CADPS: variants seen among roughly 807,000 people sequenced by gnomAD.
The protein encoded by CADPS is calcium dependent secretion activator.
A neutral mutation model predicts 167.3 loss-of-function variants in CADPS; 57 were observed. The ratio of observed to expected loss-of-function variants is 0.34; its 90% CI spans 0.28 to 0.42. CADPS has a LOEUF of 0.42. Ranked by LOEUF, CADPS falls within the 20% of genes least tolerant of loss-of-function variation. The pLI, the probability that CADPS is intolerant of heterozygous loss-of-function variation, is 1.00. For synonymous variants in CADPS, 676 were observed against 635.3 expected, an observed-to-expected ratio of 1.06 and a Z score of -0.96; for missense variants, 1,414 against 1,738.1, an observed-to-expected ratio of 0.81 and a Z score of 3.32.
At chr3:62,672,384 A>T (rs918795719) in intron 3 of CADPS, among the ~76,000 whole-genome samples, 1 of 152,120 alleles carries the variant, frequency 6.6e-6, no homozygotes, top group Non-Finnish European at 1.5e-5. Context: ...GCATTTGCTC[A>T]TGTTACTCTC....
chr3:62,599,833 TA>T (rs1562717076), intron 6 of CADPS, among the ~76,000 whole-genome samples: 166 of 3,874 alleles, frequency 0.043, 4 homozygotes, highest in African/African-American at 0.068. Context: ...ATTATATATA[TA>T]ATATATTATA....
At chr3:62,779,357 T>C (rs2091090553) in intron 1 of CADPS, 1 of 449,662 alleles carries the variant, frequency 2.2e-6, no homozygotes, top group South Asian at 2.0e-5. Context: ...GCAGCACTCT[T>C]AATAGCAGGT....
At chr3:62,607,568 A>G (rs1410110567) in intron 6 of CADPS, among the ~76,000 whole-genome samples, 2 of 152,366 alleles carry the variant, frequency 1.3e-5, no homozygotes, top group South Asian at 2.1e-4. Flanking sequence ...TGTGGTGGGT[A>G]CACAGAAGCA....
At chr3:62,648,932 G>A (rs986609946) in intron 5 of CADPS, among the ~76,000 whole-genome samples, 25 of 152,036 alleles carry the variant, frequency 1.6e-4, no homozygotes, top group African/African-American at 4.8e-4. Context: ...CACACACTAA[G>A]TACTCTATAT....
At chr3:62,748,344 C>CATAAAAAAAAAAAAAAA (rs2081977048) in intron 3 of CADPS, among the ~76,000 whole-genome samples, 1 of 48,508 alleles carries the variant, frequency 2.1e-5, no homozygotes, top group Non-Finnish European at 3.4e-5. Context: ...GACTCCGTCT[C>CATAAAAAAAAAAAAAAA]AAAAAAAAAA....
chr3:62,718,316 A>C (rs2075078070), intron 3 of CADPS, among the ~76,000 whole-genome samples: 1 of 152,184 alleles, frequency 6.6e-6, no homozygotes, highest in Non-Finnish European at 1.5e-5. Context: ...TTTTAAAAAA[A>C]TCTACTCATG....
intron 3 of CADPS, among the ~76,000 whole-genome samples, chr3:62,711,652 G>C (rs2083413012): frequency 6.6e-6 from 1 of 152,210 alleles, no homozygotes; most frequent in Non-Finnish European, 1.5e-5. Context: ...TTGTCCACTG[G>C]TAGCTGAAAC....
chr3:62,491,160 TC>T (rs2063628586), intron 21 of CADPS, among the ~76,000 whole-genome samples, 178 bp downstream of exon 21: 1 of 152,078 alleles, frequency 6.6e-6, no homozygotes, highest in Non-Finnish European at 1.5e-5. Flanking sequence ...ACCTCCTCCA[TC>T]CCCGACCCTC....
intron 28 of CADPS, among the ~76,000 whole-genome samples, chr3:62,409,685 T>A (rs565491211): frequency 6.6e-6 from 1 of 152,346 alleles, no homozygotes; most frequent in East Asian, 1.9e-4. Context: ...TGGAAGAAAC[T>A]AGAAAAGTTT....
intron 12 of CADPS, among the ~76,000 whole-genome samples, chr3:62,533,616 G>A (rs2074147889): frequency 6.6e-6 from 1 of 152,104 alleles, no homozygotes; most frequent in South Asian, 2.1e-4. Flanking sequence ...CAAAACAGAG[G>A]CAGGACTCAA....
At chr3:62,858,945 T>G (rs745438761) in intron 1 of CADPS, among the ~76,000 whole-genome samples, 3 of 152,176 alleles carry the variant, frequency 2.0e-5, no homozygotes, top group Admixed American at 6.6e-5. Context: ...GGAGTGAATT[T>G]TTATTGTTCT....
intron 3 of CADPS, among the ~76,000 whole-genome samples, chr3:62,739,536 A>G (rs1483396928): frequency 6.6e-6 from 1 of 152,208 alleles, no homozygotes; most frequent in Admixed American, 6.5e-5. Context: ...GCCGCTTTCT[A>G]ATGATCCTTG....
At chr3:62,550,361 G>A (rs1258335102) in intron 10 of CADPS, among the ~76,000 whole-genome samples, 1 of 151,966 alleles carries the variant, frequency 6.6e-6, no homozygotes, top group East Asian at 1.9e-4. Context: ...CAAGCAGGCT[G>A]CCTGCTTGGG....
intron 28 of CADPS, among the ~76,000 whole-genome samples, chr3:62,429,857 C>CT (rs2149583306): frequency 6.6e-6 from 1 of 152,316 alleles, no homozygotes; most frequent in African/African-American, 2.4e-5. Flanking sequence ...AACAAATTAA[C>CT]TGTCTTCACC....
At chr3:62,861,326 T>C (rs1426003629) in intron 1 of CADPS, among the ~76,000 whole-genome samples, 2 of 152,200 alleles carry the variant, frequency 1.3e-5, no homozygotes, top group East Asian at 3.9e-4. Flanking sequence ...GCAGGCACCT[T>C]GCTTTACATT....
At chr3:62,638,944 A>G (rs2066868256) in intron 6 of CADPS, among the ~76,000 whole-genome samples, 1 of 152,182 alleles carries the variant, frequency 6.6e-6, no homozygotes, top group Non-Finnish European at 1.5e-5. Context: ...AGCTTGGAGA[A>G]GAATTAGGAG....
chr3:62,690,703 C>T (rs2078941253), intron 3 of CADPS, among the ~76,000 whole-genome samples: 1 of 151,796 alleles, frequency 6.6e-6, no homozygotes, highest in Admixed American at 6.6e-5. Context: ...AGCTGGATTA[C>T]TGTATGAGTC....
In CADPS at chr3:62,601,087, G is replaced by C. The variant is rs2059893173; in HGVS notation, c.1326-8339C>G. Among the ~76,000 whole-genome samples the C allele has an allele frequency of 6.6e-6, 1 of 152,198 alleles. No individual in the cohort carries two copies. The highest frequency in any genetic ancestry group is 2.4e-5 in the African/African-American group (1 of 41,450). On this transcript the variant is annotated intron_variant, in intron 6 of 29. Transcript: ENST00000383710. The surrounding 1 kb of genome is among the most constrained non-coding windows in gnomAD (Gnocchi z 4.3). ...CTAAAAAATGTAAGTCTTCATTTTAGGATTATAGACCAGGGGTTGTTAAAC... is the reference window on the plus strand; with the variant it reads ...CTAAAAAATGTAAGTCTTCATTTTACGATTATAGACCAGGGGTTGTTAAAC...
intron 9 of CADPS, among the ~76,000 whole-genome samples, chr3:62,566,064 C>G (rs941672001): frequency 6.6e-6 from 1 of 152,176 alleles, no homozygotes; most frequent in Non-Finnish European, 1.5e-5. Context: ...TGCTAGCTCT[C>G]TACATAAACA....
Sources: gnomAD v4.1 joint callset for allele counts (sites outside exome capture counted in the v4.1 genomes callset) on GRCh38, gnomAD v4.1.1 for gene constraint, Gnocchi (gnomAD v3.1) non-coding constraint, MANE v1.5 for transcripts, NCBI Gene and HGNC (gene_info 2026-07-23, HGNC 2026-07-21) for gene names.